TMEM8B: variants seen among roughly 807,000 people sequenced by gnomAD.
TMEM8B encodes nasopharyngeal carcinoma expressed 6.
In TMEM8B, 29 loss-of-function variants were observed where a neutral mutation model predicts 49.3. That is an observed-to-expected ratio of 0.59 (90% CI 0.44 to 0.80). TMEM8B has a LOEUF of 0.80. Among genes scored for constraint, TMEM8B ranks in the 30% least tolerant of loss-of-function variants. TMEM8B has a pLI of 0.00. For missense variants in TMEM8B, 575 were observed against 658.5 expected (o/e 0.87, Z 1.39); for synonymous variants, 264 against 272.8 (o/e 0.97, Z 0.32).
intron 1 of TMEM8B, chr9:35,833,436 C>T (rs1041189029): frequency 2.3e-6 from 2 of 887,860 alleles, no homozygotes; most frequent in Admixed American, 6.2e-5. Context: ...CCATTTGGGA[C>T]CCTCTTCCCC....
intron 1 of TMEM8B, among the ~76,000 whole-genome samples, chr9:35,832,795 C>G (rs1206174690): frequency 6.6e-6 from 1 of 152,206 alleles, no homozygotes; most frequent in Non-Finnish European, 1.5e-5. Flanking sequence ...AGTATCCAGG[C>G]TGTTCACCTC....
At position 35,857,315 on chromosome 9, in the gene TMEM8B, G is replaced by C. The variant is rs977607804; in HGVS notation, c.*3475G>C. On this transcript the variant is annotated 3_prime_UTR_variant, in exon 13 of 13. Coordinates refer to ENST00000643932, the MANE Select transcript of TMEM8B (RefSeq NM_001042590.4). ...AGTGTCATGAATGCAAGTTAGATGG[G>C]ACAAGTGTGAAGTGGAAGATCCTGA... 2.0e-5 allele frequency: 3 copies of C among 152,290 alleles called. No homozygotes were observed. Among genetic ancestry groups the C allele is most frequent in the Non-Finnish European group, 2.9e-5 (2 of 68,094 alleles). 9.4% of individuals were successfully genotyped at this position (152,290 alleles called of 1,614,324 possible).
rs753295104 is a variant in TMEM8B at position 35,853,231 on chromosome 9, G to A, written c.2413G>A (p.Ala805Thr). 15 of 1,614,030 alleles carry A rather than the reference G, an allele frequency of 9.3e-6. No individual in the cohort carries two copies. Among genetic ancestry groups the A allele is most frequent in the Non-Finnish European group, 1.3e-5 (15 of 1,179,960 alleles). The change falls in exon 12 of 13, where the codon GCC (alanine) becomes ACC (threonine). Residue 805 changes from alanine (A) to threonine (T), a missense_variant. By Grantham distance (58) the Ala-to-Thr change is moderately conservative. Transcript: ENST00000643932. This position sits in a 1 kb window ranked among gnomAD's most constrained non-coding sequence, Gnocchi z 4.2. ...LWNLLGPSLFALGILATAWTV... is the reference protein window; with the variant it reads ...LWNLLGPSLFTLGILATAWTV... Reference sequence around the variant, plus strand: ...GAACCTGCTTGGACCCAGTCTCTTCGCCCTGGGGATCTTGGCCACAGCCTG... The same window carrying A: ...GAACCTGCTTGGACCCAGTCTCTTCACCCTGGGGATCTTGGCCACAGCCTG...
At position 35,846,840 on chromosome 9, in the gene TMEM8B, G is replaced by A. The variant is rs1831642063; in HGVS notation, c.2020G>A (p.Asp674Asn). ...AGGGTGGAGAGGCTGGGGCTGCACC[G>A]ACAGTGCAGATGCGCTCACCTATGG... ...KAGWRGWGCTDSADALTYGFQ... is the reference protein window; with the variant it reads ...KAGWRGWGCTNSADALTYGFQ... Residue 674 changes from aspartate (D) to asparagine (N), a missense_variant, in exon 10 of 13, where the codon GAC becomes AAC. Transcript: ENST00000643932. The A allele has an allele frequency of 1.2e-6, 2 of 1,613,770 alleles. No individual in the cohort carries two copies. Among genetic ancestry groups the A allele is most frequent in the African/African-American group, 1.3e-5 (1 of 74,924 alleles).
chr9:35,846,404 A>G (rs759098638), intron 8 of TMEM8B, 23 bp downstream of exon 8: 53 of 1,605,970 alleles, frequency 3.3e-5, no homozygotes, highest in East Asian at 6.7e-5. Context: ...GGGCGGGGCC[A>G]GGGCTGGGAC....
intron 3 of TMEM8B, among the ~76,000 whole-genome samples, chr9:35,837,030 C>A (rs1019767199): frequency 1.3e-5 from 2 of 152,150 alleles, no homozygotes; most frequent in Non-Finnish European, 2.9e-5. Flanking sequence ...AGGATTCCAG[C>A]CTGTGGGTTA....
chr9:35,849,516 T>G (rs938434396), intron 10 of TMEM8B, among the ~76,000 whole-genome samples: 5 of 152,242 alleles, frequency 3.3e-5, no homozygotes, highest in African/African-American at 1.2e-4. Context: ...CTTTTATTCT[T>G]GTCATCCTTT....
At chr9:35,852,322 G>A (rs936574339) in intron 10 of TMEM8B, among the ~76,000 whole-genome samples, 5 of 152,088 alleles carry the variant, frequency 3.3e-5, no homozygotes, top group Non-Finnish European at 7.4e-5. Flanking sequence ...CACACTCCCC[G>A]CATTTGTTGG....
Position 35,829,643 on chromosome 9 carries a change from G to GCCCAGGCCCTGT in TMEM8B, c.202_213dup (p.Ala68_Gln71dup), listed in dbSNP as rs1327717441. Reference sequence around the variant, plus strand: ...GTTCCACCCCCTGTCACAAATCCCAGCCCAGGCCCTGTCCCAGCCCCATTC... The same window carrying GCCCAGGCCCTGT: ...GTTCCACCCCCTGTCACAAATCCCAGCCCAGGCCCTGTCCCAGGCCCTGTCCCAGCCCCATTC... On this transcript the variant is annotated inframe_insertion, in exon 1 of 13. Transcript: ENST00000643932. 5.0e-6 allele frequency: 2 copies of GCCCAGGCCCTGT among 398,860 alleles called. No homozygotes were observed. Among genetic ancestry groups the GCCCAGGCCCTGT allele is most frequent in the Non-Finnish European group, 8.8e-6 (2 of 226,628 alleles). The allele number at this position is 398,860 out of a possible 1,614,324, so 24.7% of individuals were successfully genotyped here.
chr9:35,846,274 C>T lies in TMEM8B; in HGVS notation c.1746C>T (p.Phe582=). ...VTCSKESLAG[F]LLSVSATTRV... is the part of the protein sequence containing the mutation. The stretch of plus-strand genomic sequence containing the variant: ...TCCCTTCAGAGTCCCTGGCCGGCTT[C>T]CTCCTCTCTGTCAGTGCCACCACCA... Residue 582 remains phenylalanine, a synonymous_variant, in exon 8 of 13, where the codon TTC becomes TTT. Coordinates refer to ENST00000643932, the MANE Select transcript of TMEM8B (RefSeq NM_001042590.4). 1 of 1,614,244 alleles carries T rather than the reference C, an allele frequency of 6.2e-7. No individual in the cohort carries two copies.
In TMEM8B at chr9:35,853,865, G is replaced by A; in HGVS notation, c.*25G>A. On this transcript the variant is annotated 3_prime_UTR_variant, in exon 13 of 13. Coordinates refer to ENST00000643932, the MANE Select transcript of TMEM8B (RefSeq NM_001042590.4). The surrounding 1 kb of genome is among the most constrained non-coding windows in gnomAD (Gnocchi z 4.2). ...AGAGGGGCTTTGGGCCTGGCCCTGA[G>A]GGGATATGAATGCTTCCTAGAGTTC... 6.6e-7 allele frequency: 1 copy of A among 1,516,126 alleles called. No homozygotes were observed. Among genetic ancestry groups the A allele is most frequent in the Non-Finnish European group, 8.8e-7 (1 of 1,138,300 alleles). 93.9% of individuals were successfully genotyped at this position (1,516,126 alleles called of 1,614,324 possible).
At position 35,842,806 on chromosome 9, in the gene TMEM8B, G is replaced by A. The variant is rs576312178; in HGVS notation, c.1635+89G>A. The A allele has an allele frequency of 7.1e-7, 1 of 1,403,412 alleles. No homozygotes were observed. The highest frequency in any genetic ancestry group is 1.4e-5 in the African/African-American group (1 of 69,442). The allele number at this position is 1,403,412 out of a possible 1,614,324, so 86.9% of individuals were successfully genotyped here. A position where few individuals can be genotyped will look rare whatever the true frequency, so the allele number is the denominator to read the frequency against. ...GTGTTGGGGTGTTTACCTCCTCCAG[G>A]AAGCCTGTCCAGGTTGCTCCCACCC... is the stretch of plus-strand genomic sequence containing the variant. On this transcript the variant is annotated intron_variant, in intron 6 of 12. Coordinates refer to ENST00000643932, the MANE Select transcript of TMEM8B (RefSeq NM_001042590.4). The surrounding 1 kb of genome is among the most constrained non-coding windows in gnomAD (Gnocchi z 5.6).
chr9:35,846,066 AAGGTG>A lies in TMEM8B; in HGVS notation c.1729+7_1729+11del. 6.2e-7 allele frequency: 1 copy of A among 1,612,512 alleles called. No individual in the cohort carries two copies. The highest frequency in any genetic ancestry group is 8.5e-7 in the Non-Finnish European group (1 of 1,179,468). On this transcript the variant is annotated splice_donor_variant and splice_donor_region_variant and coding_sequence_variant and intron_variant, in exon 7 of 13. Coordinates refer to ENST00000643932, the MANE Select transcript of TMEM8B (RefSeq NM_001042590.4). LOFTEE classifies it high-confidence loss of function. ...GGGGATGCAGCAGTGACCTGTTCCA[AAGGTG>A]AGGTGAGGAATGGGGGAGGAGAGGA...
intron 10 of TMEM8B, among the ~76,000 whole-genome samples, chr9:35,851,288 C>T (rs1349778564): frequency 6.8e-6 from 1 of 148,110 alleles, no homozygotes; most frequent in East Asian, 2.0e-4. Flanking sequence ...GGACTATAGG[C>T]ACACGCTACC....
chr9:35,848,288 C>G (rs1163068523), intron 10 of TMEM8B, among the ~76,000 whole-genome samples: 2 of 152,176 alleles, frequency 1.3e-5, no homozygotes, highest in Non-Finnish European at 2.9e-5. Flanking sequence ...AGGCCTGCCC[C>G]CACAGTGCCT....
rs890245623 is a variant in TMEM8B at position 35,857,155 on chromosome 9, C to G, written c.*3315C>G. 1 of 152,300 alleles carries G rather than the reference C, an allele frequency of 6.6e-6. No individual in the cohort carries two copies. The highest frequency in any genetic ancestry group is 1.9e-4 in the East Asian group (1 of 5,204). 9.4% of individuals were successfully genotyped at this position (152,300 alleles called of 1,614,324 possible). On this transcript the variant is annotated 3_prime_UTR_variant, in exon 13 of 13. Transcript: ENST00000643932. ...GTTCAGCAGCACAGGGCTCAATCCC[C>G]ACAGGGTGATGTTCTGAAAGCTTCT...
chr9:35,841,017 G>T lies in TMEM8B; in HGVS notation c.907-117G>T. On this transcript the variant is annotated intron_variant, in intron 3 of 12. Transcript: ENST00000643932. This position sits in a 1 kb window ranked among gnomAD's most constrained non-coding sequence, Gnocchi z 5.9. ...TTAGAGAGACCTGGGTTAGAGGCCT[G>T]GGAGTGGTGGCCGGGGCGGGGGTTT... 2.4e-6 allele frequency: 1 copy of T among 411,118 alleles called. No individual in the cohort carries two copies. The highest frequency in any genetic ancestry group is 1.4e-4 in the South Asian group (1 of 7,054). 25.5% of individuals were successfully genotyped at this position (411,118 alleles called of 1,614,324 possible).
chr9:35,850,428 A>G (rs1459454007), intron 10 of TMEM8B, among the ~76,000 whole-genome samples: 2 of 152,074 alleles, frequency 1.3e-5, no homozygotes, highest in Non-Finnish European at 2.9e-5. Context: ...ATTGCTGTTG[A>G]CAAAAGGAAT....
rs1285291858 is a variant in TMEM8B, at chr9:35,829,669, C to T, written c.222C>T (p.Ser74=). 1 of 401,912 alleles carries T rather than the reference C, an allele frequency of 2.5e-6. No homozygotes were observed. Among genetic ancestry groups the T allele is most frequent in the African/African-American group, 2.1e-5 (1 of 48,666 alleles). The allele number at this position is 401,912 out of a possible 1,614,324, so 24.9% of individuals were successfully genotyped here. ...CCCAGGCCCTGTCCCAGCCCCATTCCCAGTGTTTGCTTAAGGCCCTGGCTC... is the reference window on the plus strand; with the variant it reads ...CCCAGGCCCTGTCCCAGCCCCATTCTCAGTGTTTGCTTAAGGCCCTGGCTC... ...IPAQALSQPH[S]QCLLKALAQP... is the part of the protein sequence containing the mutation. The change falls in exon 1 of 13, where the codon TCC becomes TCT. Residue 74 remains serine, a synonymous_variant. Transcript: ENST00000643932.
Sources: gnomAD v4.1 joint callset for allele counts (sites outside exome capture counted in the v4.1 genomes callset) on GRCh38, gnomAD v4.1.1 for gene constraint, Gnocchi (gnomAD v3.1) non-coding constraint, MANE v1.5 for transcripts, NCBI Gene and HGNC (gene_info 2026-07-23, HGNC 2026-07-21) for gene names.